SORBS2: variants seen among roughly 807,000 people sequenced by gnomAD.
SORBS2 encodes the protein sorbin and SH3 domain-containing protein 2.
A neutral mutation model predicts 97.7 loss-of-function variants in SORBS2; 46 were observed. That is an observed-to-expected ratio of 0.47 (90% confidence interval 0.37 to 0.60). The LOEUF (loss-of-function observed/expected upper bound fraction) is 0.60. SORBS2 is among the 20% of genes least tolerant of loss of function. The probability of loss-of-function intolerance (pLI) is 0.00; values close to 1 mark genes in which losing one functional copy is unlikely to be tolerated. For synonymous variants in SORBS2, 476 were observed against 473.4 expected (o/e 1.01, Z -0.07); for missense variants, 1,316 against 1,282.3 (o/e 1.03, Z -0.40).
intron 1 of SORBS2, among the ~76,000 whole-genome samples, chr4:185,820,866 G>A (rs2099196385): frequency 1.3e-5 from 2 of 152,292 alleles, no homozygotes; most frequent in South Asian, 4.1e-4. Context: ...GCTCAGTATC[G>A]TACCTGGGCT....
At position 185,767,499 on chromosome 4, in the gene SORBS2, C is replaced by CAAAAAAAAAAA. The variant is rs70962594; in HGVS notation, c.-198+7717_-198+7727dup. 9.9e-5 allele frequency among the ~76,000 whole-genome samples: 6 copies of CAAAAAAAAAAA among 60,694 alleles called. No homozygotes were observed. In the East Asian group the frequency reaches 1.1e-3, roughly 11 times the overall value. 39.8% of individuals were successfully genotyped at this position (60,694 alleles called of 152,430 possible). A position where few individuals can be genotyped will look rare whatever the true frequency, so the allele number is the denominator to read the frequency against. ...TGGGCGACAGAGTGAGACTCTGTCT[C>CAAAAAAAAAAA]AAAAAAAAAAAAAAAAAAAAGAGAA... On this transcript the variant is annotated intron_variant, in intron 2 of 20. Transcript: ENST00000284776.
At chr4:185,862,240 G>A (rs1452902832) in intron 1 of SORBS2, among the ~76,000 whole-genome samples, 1 of 152,240 alleles carries the variant, frequency 6.6e-6, no homozygotes, top group Non-Finnish European at 1.5e-5. Context: ...CTACAGATCC[G>A]GTGTGAAGGT....
chr4:185,796,196 C>T (rs1243781533), intron 1 of SORBS2, among the ~76,000 whole-genome samples: 2 of 152,176 alleles, frequency 1.3e-5, no homozygotes, highest in African/African-American at 2.4e-5. Context: ...CATGAGCCAC[C>T]CCACCTGGCC....
chr4:185,738,465 C>G (rs893636026), intron 2 of SORBS2, among the ~76,000 whole-genome samples: 1 of 152,186 alleles, frequency 6.6e-6, no homozygotes, highest in Non-Finnish European at 1.5e-5. Flanking sequence ...GGTTTTGCAA[C>G]CGGGCAAGTT....
At chr4:185,833,212 A>C (rs1337131528) in intron 1 of SORBS2, among the ~76,000 whole-genome samples, 1 of 152,236 alleles carries the variant, frequency 6.6e-6, no homozygotes, top group African/African-American at 2.4e-5. Flanking sequence ...ATTGTGTCCA[A>C]GTAATGTGAA....
At chr4:185,881,189 T>C (rs962566664) in intron 1 of SORBS2, among the ~76,000 whole-genome samples, 3 of 151,900 alleles carry the variant, frequency 2.0e-5, no homozygotes, top group Admixed American at 2.0e-4. Flanking sequence ...GTTAAGGAAA[T>C]TGAGAAATTA....
intron 1 of SORBS2, among the ~76,000 whole-genome samples, chr4:185,942,390 A>T (rs1197803400): frequency 6.7e-6 from 1 of 149,482 alleles, no homozygotes; most frequent in East Asian, 2.0e-4. Context: ...TCACTTTGTC[A>T]CTCAGTCTGG....
intron 1 of SORBS2, among the ~76,000 whole-genome samples, chr4:185,895,294 T>C (rs539250831): frequency 6.6e-6 from 1 of 152,342 alleles, no homozygotes; most frequent in African/African-American, 2.4e-5. Context: ...ACTCCTTGTC[T>C]GTATGTTTGC....
chr4:185,672,001 C>T (rs2097719570), intron 4 of SORBS2, among the ~76,000 whole-genome samples: 1 of 152,312 alleles, frequency 6.6e-6, no homozygotes, highest in East Asian at 1.9e-4. Context: ...CATGCACAGA[C>T]ATCAAATGGA....
At chr4:185,914,930 A>C (rs1263743221) in intron 1 of SORBS2, among the ~76,000 whole-genome samples, 2 of 152,238 alleles carry the variant, frequency 1.3e-5, no homozygotes, top group African/African-American at 4.8e-5. Flanking sequence ...TGCTGGTGGG[A>C]GAAAGCCTGG....
At chr4:185,777,211 GT>G (rs1265963640) in intron 1 of SORBS2, among the ~76,000 whole-genome samples, 2 of 152,120 alleles carry the variant, frequency 1.3e-5, no homozygotes, top group Admixed American at 6.5e-5. Flanking sequence ...GATCAACTTT[GT>G]TTTAAAAATG....
intron 2 of SORBS2, 127 bp from the exon 12 acceptor site, chr4:185,649,783 C>G: frequency 2.1e-6 from 1 of 473,096 alleles, no homozygotes; most frequent in Non-Finnish European, 3.6e-6. Context: ...TAAGCATATT[C>G]ATAATGCATA....
chr4:185,856,402 C>A (rs1287141346), intron 1 of SORBS2, among the ~76,000 whole-genome samples: 2 of 152,114 alleles, frequency 1.3e-5, no homozygotes, highest in African/African-American at 2.4e-5. Context: ...TATGCCTACA[C>A]CTCTGCCTGG....
chr4:185,735,500 ACACT>A (rs1257264099), intron 2 of SORBS2, among the ~76,000 whole-genome samples: 1 of 150,992 alleles, frequency 6.6e-6, no homozygotes, highest in Admixed American at 6.6e-5. Context: ...AAACACACAC[ACACT>A]CACACACACA....
In SORBS2 at chr4:185,655,805, T is replaced by C. The variant is rs1411390092; in HGVS notation, c.24+810A>G. On this transcript the variant is annotated intron_variant, in intron 1 of 14. Transcript: ENST00000418609. The stretch of plus-strand genomic sequence containing the variant: ...AGTCTGGTTAGTTAAGGAAATTATG[T>C]CTTATAAAGGAAGAAAACATGGACC... Among the ~76,000 whole-genome samples the C allele has an allele frequency of 4.6e-5, 7 of 152,230 alleles. No homozygotes were observed. The East Asian group carries it at 9.6e-4, about 21-fold the overall frequency.
At chr4:185,747,411 C>T (rs750054527) in intron 2 of SORBS2, among the ~76,000 whole-genome samples, 8 of 152,212 alleles carry the variant, frequency 5.3e-5, no homozygotes, top group Admixed American at 2.6e-4. Flanking sequence ...TTCTTGCAAA[C>T]GCTTGAGTGT....
rs546365936 is a variant in SORBS2 at position 185,752,323 on chromosome 4, T to C, written c.-198+22904A>G. 2.6e-5 allele frequency among the ~76,000 whole-genome samples: 4 copies of C among 152,352 alleles called. No individual in the cohort carries two copies. The South Asian group carries it at 8.3e-4, about 32-fold the overall frequency. On this transcript the variant is annotated intron_variant, in intron 2 of 20. Transcript: ENST00000284776. ...CAGAGTCTCGCTCTGTCGCCCAGGC[T>C]GGAGTGCAGTGGCACGATCTTGGCT...
chr4:185,638,081 G>A (rs1461655573), intron 4 of SORBS2: 2 of 1,572,528 alleles, frequency 1.3e-6, no homozygotes, highest in Non-Finnish European at 8.8e-7. Flanking sequence ...TCACTTACCG[G>A]GCGTCCAAAC....
Position 185,629,078 on chromosome 4 carries a change from C to G in SORBS2, c.446+1471G>C, listed in dbSNP as rs140274354. Among the ~76,000 whole-genome samples, 255 of 152,334 alleles carry G rather than the reference C, an allele frequency of 1.7e-3. 3 individuals are homozygous for G. The highest frequency in any genetic ancestry group is 5.6e-3 in the African/African-American group (231 of 41,574). ...ATGTTTTTGTCTTATTTAGCCCACA[C>G]AGCAAACCGATGAGGTATATGCTGT... On this transcript the variant is annotated intron_variant, in intron 5 of 14. Coordinates refer to ENST00000418609, the Ensembl canonical transcript of SORBS2.
Sources: allele counts gnomAD v4.1 joint callset (sites outside exome capture counted in the v4.1 genomes callset), GRCh38; gene constraint gnomAD v4.1.1; transcripts MANE v1.5; gene names NCBI Gene and HGNC (gene_info 2026-07-23, HGNC 2026-07-21).